The following SOS1 variants were observed in gnomAD, a reference collection of about 807,000 sequenced individuals.
SOS1 encodes the protein son of sevenless homolog 1.
A neutral mutation model predicts 157.6 loss-of-function variants in SOS1; 25 were observed. The ratio of observed to expected loss-of-function variants is 0.16; its 90% CI spans 0.12 to 0.22. SOS1 has a LOEUF of 0.22. Ranked by LOEUF, SOS1 falls within the 10% of genes least tolerant of loss-of-function variation. SOS1 has a pLI of 1.00. For missense variants in SOS1, 1,237 were observed against 1,599.1 expected, an observed-to-expected ratio of 0.77 and a Z score of 3.86; for synonymous variants, 528 against 534.0, an observed-to-expected ratio of 0.99 and a Z score of 0.16.
intron 2 of SOS1, among the ~76,000 whole-genome samples, chr2:39,062,029 G>C (rs942293766): frequency 6.6e-6 from 1 of 151,940 alleles, no homozygotes; most frequent in Non-Finnish European, 1.5e-5. Flanking sequence ...ACATACTTTG[G>C]TATGTGTGGG....
chr2:39,062,627 G>A, intron 2 of SOS1, among the ~76,000 whole-genome samples: 1 of 149,660 alleles, frequency 6.7e-6, no homozygotes, highest in Admixed American at 6.6e-5. Context: ...GATGAATGAG[G>A]AAAAGAAAAA....
chr2:39,082,972 G>T (rs1672260315), intron 1 of SOS1, among the ~76,000 whole-genome samples: 1 of 152,108 alleles, frequency 6.6e-6, no homozygotes, highest in African/African-American at 2.4e-5. Flanking sequence ...TAAGGCTTTG[G>T]GGAGCTGGCA....
intron 20 of SOS1, among the ~76,000 whole-genome samples, chr2:38,991,068 C>G (rs1287367873): frequency 6.6e-6 from 1 of 151,946 alleles, no homozygotes; most frequent in Non-Finnish European, 1.5e-5. Context: ...AATACTGATA[C>G]CAGGTACCAA....
chr2:39,109,432 C>A (rs781400017), intron 1 of SOS1, among the ~76,000 whole-genome samples: 16 of 152,040 alleles, frequency 1.1e-4, no homozygotes, highest in Non-Finnish European at 2.1e-4. Flanking sequence ...ATGCAAAGCC[C>A]CAATATGTAA....
chr2:39,049,992 A>G (rs1670949335), intron 6 of SOS1, among the ~76,000 whole-genome samples: 1 of 152,176 alleles, frequency 6.6e-6, no homozygotes, highest in Non-Finnish European at 1.5e-5. Context: ...AGAGTTCACT[A>G]CCTTGAATGT....
Position 39,069,125 on chromosome 2 carries a change from C to T in SOS1, c.88-1372G>A, listed in dbSNP as rs183775711. The stretch of plus-strand genomic sequence containing the variant: ...CTTTGAGAGGCTGAGGAAGGAGGAA[C>T]ACTTAAGGCCAGGAGTTCAGGACCA... On this transcript the variant is annotated intron_variant, in intron 1 of 22. Coordinates refer to ENST00000402219, the MANE Select transcript of SOS1 (RefSeq NM_005633.4). 3.9e-4 allele frequency among the ~76,000 whole-genome samples: 51 copies of T among 130,930 alleles called. 1 individual carries two copies. The Admixed American group carries it at 4.8e-3, about 12-fold the overall frequency. 85.9% of individuals were successfully genotyped at this position (130,930 alleles called of 152,430 possible). A position where few individuals can be genotyped will look rare whatever the true frequency, so the allele number is the denominator to read the frequency against.
chr2:39,067,611 GACA>G lies in SOS1; in HGVS notation c.213+14_213+16del, dbSNP rs768872084. Reference sequence around the variant, plus strand: ...CAAATTAGATATAAAGTAAATACAAGACAACATTTGTCATACCTCTACATCTGA... The same window carrying G: ...CAAATTAGATATAAAGTAAATACAAGACATTTGTCATACCTCTACATCTGA... On this transcript the variant is annotated intron_variant, in intron 2 of 22. Coordinates refer to ENST00000402219, the MANE Select transcript of SOS1 (RefSeq NM_005633.4). The G allele has an allele frequency of 2.9e-5, 46 of 1,609,928 alleles. No homozygotes were observed. The highest frequency in any genetic ancestry group is 1.6e-4 in the Middle Eastern group (1 of 6,080).
chr2:39,058,345 A>C (rs1671286701), intron 3 of SOS1, among the ~76,000 whole-genome samples: 2 of 152,062 alleles, frequency 1.3e-5, no homozygotes, highest in Admixed American at 1.3e-4. Flanking sequence ...AGGAACACTT[A>C]GGTCTAACCA....
intron 20 of SOS1, among the ~76,000 whole-genome samples, chr2:38,990,997 TGACA>T (rs1274818815): frequency 2.6e-5 from 4 of 152,150 alleles, no homozygotes; most frequent in Non-Finnish European, 4.4e-5. Context: ...TAATCCCAGA[TGACA>T]GACAAATGGT....
At chr2:39,062,160 G>C (rs1260836824) in intron 2 of SOS1, among the ~76,000 whole-genome samples, 1 of 152,058 alleles carries the variant, frequency 6.6e-6, no homozygotes, top group Admixed American at 6.6e-5. Flanking sequence ...GCTCATGCCT[G>C]TAATCCCAGC....
intron 21 of SOS1, 40 bp from the exon 22 acceptor site, chr2:38,987,631 T>A: frequency 4.3e-6 from 4 of 938,342 alleles, no homozygotes; most frequent in Non-Finnish European, 7.0e-6. Context: ...TCCACAGGAA[T>A]TTTATTTCAT....
At chr2:38,996,107 C>T (rs747990264) in intron 19 of SOS1, among the ~76,000 whole-genome samples, 2 of 151,180 alleles carry the variant, frequency 1.3e-5, no homozygotes, top group Non-Finnish European at 2.9e-5. Flanking sequence ...TTTTTTGAGA[C>T]GAGTCTTGCT....
At chr2:39,065,548 C>T (rs1050264595) in intron 2 of SOS1, among the ~76,000 whole-genome samples, 1 of 152,190 alleles carries the variant, frequency 6.6e-6, no homozygotes, top group Admixed American at 6.5e-5. Context: ...TGATCTCAAT[C>T]TGCTCTATTT....
chr2:39,123,712 G>C (rs182798831), upstream of SOS1, among the ~76,000 whole-genome samples: 97 of 152,194 alleles, frequency 6.4e-4, no homozygotes, highest in African/African-American at 2.0e-3. Flanking sequence ...GTATCCCCGG[G>C]GCCTACAATG....
chr2:39,015,880 A>G (rs1274800619), intron 10 of SOS1, among the ~76,000 whole-genome samples: 9 of 87,302 alleles, frequency 1.0e-4, no homozygotes, highest in Non-Finnish European at 1.8e-4. Flanking sequence ...TTCTTTTCCT[A>G]TTTGTATTAG....
chr2:39,027,834 T>C (rs549017797), intron 8 of SOS1, among the ~76,000 whole-genome samples: 1 of 151,658 alleles, frequency 6.6e-6, no homozygotes, highest in East Asian at 1.9e-4. Flanking sequence ...ATTATTATTT[T>C]TTTTTTTTTT....
At chr2:39,091,083 G>A (rs916682073) in intron 1 of SOS1, among the ~76,000 whole-genome samples, 2 of 152,112 alleles carry the variant, frequency 1.3e-5, no homozygotes, top group African/African-American at 4.8e-5. Flanking sequence ...TGGTCAGGCT[G>A]GTCTCAAACC....
At chr2:39,119,896 A>G (rs1345786468) in intron 1 of SOS1, among the ~76,000 whole-genome samples, 1 of 152,116 alleles carries the variant, frequency 6.6e-6, no homozygotes, top group Non-Finnish European at 1.5e-5. Context: ...CGAGCTCGCA[A>G]TTCCTTTGAG....
chr2:39,089,599 A>AACAATTT (rs1672509610), intron 1 of SOS1, among the ~76,000 whole-genome samples: 1 of 151,994 alleles, frequency 6.6e-6, no homozygotes, highest in South Asian at 2.1e-4. Context: ...CCAACGCTGC[A>AACAATTT]ACAATTTACA....
Sources: allele counts gnomAD v4.1 joint callset (sites outside exome capture counted in the v4.1 genomes callset), GRCh38; gene constraint gnomAD v4.1.1; transcripts MANE v1.5; gene names NCBI Gene and HGNC (gene_info 2026-07-23, HGNC 2026-07-21).